Variants in MECOM observed in about 807,000 individuals in gnomAD.
MECOM encodes histone-lysine N-methyltransferase MECOM.
A neutral mutation model predicts 116.3 loss-of-function variants in MECOM; 13 were observed. The ratio of observed to expected loss-of-function variants is 0.11; its 90% CI spans 0.07 to 0.18. The LOEUF is 0.18. Among genes scored for constraint, MECOM ranks in the 10% least tolerant of loss-of-function variants. The pLI is 1.00. For synonymous variants in MECOM, 528 were observed against 535.2 expected, an observed-to-expected ratio of 0.99 and a Z score of 0.19; for missense variants, 1,299 against 1,509.0, an observed-to-expected ratio of 0.86 and a Z score of 2.31.
At chr3:169,519,521 C>T (rs1757101018) in intron 1 of MECOM, among the ~76,000 whole-genome samples, 1 of 152,202 alleles carries the variant, frequency 6.6e-6, no homozygotes, top group African/African-American at 2.4e-5. Flanking sequence ...AGTAGTTCCA[C>T]AAACAGTGTG....
At chr3:169,156,151 T>G (rs2149336904) in intron 2 of MECOM, among the ~76,000 whole-genome samples, 1 of 152,246 alleles carries the variant, frequency 6.6e-6, no homozygotes, top group Admixed American at 6.5e-5. Flanking sequence ...GAGAGCTAAC[T>G]TCACCCAATG....
chr3:169,403,955 G>C (rs186755870), intron 1 of MECOM, among the ~76,000 whole-genome samples: 67 of 152,158 alleles, frequency 4.4e-4, no homozygotes, highest in Middle Eastern at 3.4e-3. Flanking sequence ...TCAGTCCCTG[G>C]TTTCCTGAGA....
chr3:169,387,744 G>T (rs1016664459), intron 1 of MECOM, among the ~76,000 whole-genome samples: 1 of 151,710 alleles, frequency 6.6e-6, no homozygotes, highest in Non-Finnish European at 1.5e-5. Flanking sequence ...GTGTGTAGGG[G>T]TGTGTGTGTG....
chr3:169,594,166 A>AAC (rs1385417356), intron 1 of MECOM, among the ~76,000 whole-genome samples: 3 of 136,818 alleles, frequency 2.2e-5, no homozygotes, highest in African/African-American at 9.1e-5. Context: ...AAAAAAAAAA[A>AAC]AAAAAAAAAA....
intron 1 of MECOM, chr3:169,447,956 T>C (rs1362693226): frequency 2.6e-5 from 4 of 152,276 alleles, no homozygotes; most frequent in African/African-American, 9.6e-5. Context: ...AGTGTATTAT[T>C]TAAACCCTTG....
At chr3:169,469,827 C>G (rs3851385) in intron 1 of MECOM, among the ~76,000 whole-genome samples, 1 of 152,154 alleles carries the variant, frequency 6.6e-6, no homozygotes, top group South Asian at 2.1e-4. Flanking sequence ...AGATTAATAA[C>G]TCACTTTCTC....
intron 1 of MECOM, among the ~76,000 whole-genome samples, chr3:169,407,191 A>G (rs1418938551): frequency 1.3e-5 from 2 of 152,164 alleles, no homozygotes; most frequent in African/African-American, 4.8e-5. Flanking sequence ...CACCATTTAC[A>G]GTACCCAAAC....
chr3:169,143,549 T>C, intron 3 of MECOM, 149 bp downstream of exon 3: 1 of 661,986 alleles, frequency 1.5e-6, no homozygotes, highest in Non-Finnish European at 2.2e-6. Context: ...GAATTTGTTC[T>C]GCATTTTACT....
intron 1 of MECOM, among the ~76,000 whole-genome samples, chr3:169,438,946 C>A (rs1402904051): frequency 6.6e-6 from 1 of 151,964 alleles, no homozygotes; most frequent in Non-Finnish European, 1.5e-5. Flanking sequence ...CAATCTCAAG[C>A]AAGACCTACA....
intron 2 of MECOM, among the ~76,000 whole-genome samples, chr3:169,275,567 G>T (rs570881298): frequency 6.6e-6 from 1 of 152,104 alleles, no homozygotes; most frequent in African/African-American, 2.4e-5. Flanking sequence ...CTAATGATAC[G>T]CAAATGGCAA....
intron 1 of MECOM, among the ~76,000 whole-genome samples, chr3:169,458,716 C>T (rs1298400348): frequency 3.3e-5 from 5 of 152,172 alleles, no homozygotes; most frequent in African/African-American, 4.8e-5. Context: ...TTGATTACTG[C>T]TATAGCCATC....
chr3:169,171,827 A>G (rs957627266), intron 2 of MECOM, among the ~76,000 whole-genome samples: 1 of 152,110 alleles, frequency 6.6e-6, no homozygotes, highest in African/African-American at 2.4e-5. Context: ...AGGGCAGGGG[A>G]AAACTTTTGG....
intron 1 of MECOM, among the ~76,000 whole-genome samples, chr3:169,588,612 G>A (rs1281082944): frequency 2.0e-5 from 3 of 152,272 alleles, no homozygotes; most frequent in African/African-American, 7.2e-5. Context: ...GTGATGGAGA[G>A]ATTTTTTTTT....
chr3:169,132,490 T>G (rs1396043984), intron 3 of MECOM, among the ~76,000 whole-genome samples: 1 of 12,662 alleles, frequency 7.9e-5, no homozygotes, highest in African/African-American at 1.9e-4. Flanking sequence ...ATGTCATCAG[T>G]TTTTTTTCAT....
chr3:169,123,821 A>C (rs993496814), intron 5 of MECOM, among the ~76,000 whole-genome samples: 1 of 152,084 alleles, frequency 6.6e-6, no homozygotes, highest in Non-Finnish European at 1.5e-5. Context: ...GGGGCAAGTG[A>C]AGCATCAATA....
At chr3:169,230,114 T>G (rs1053433880) in intron 2 of MECOM, among the ~76,000 whole-genome samples, 7 of 152,132 alleles carry the variant, frequency 4.6e-5, no homozygotes, top group African/African-American at 1.7e-4. Context: ...ATTTCTCAGG[T>G]GTCTTGAGGC....
intron 1 of MECOM, among the ~76,000 whole-genome samples, chr3:169,518,051 AG>A (rs1756870461): frequency 6.6e-6 from 1 of 152,304 alleles, no homozygotes; most frequent in South Asian, 2.1e-4. Flanking sequence ...CAAGGTCAGG[AG>A]ATCGAGACCA....
At chr3:169,188,460 T>C (rs2149414552) in intron 2 of MECOM, among the ~76,000 whole-genome samples, 1 of 152,154 alleles carries the variant, frequency 6.6e-6, no homozygotes, top group East Asian at 1.9e-4. Flanking sequence ...AATTTGACCT[T>C]TTGTGTAGCT....
intron 2 of MECOM, among the ~76,000 whole-genome samples, chr3:169,296,373 G>A (rs901681659): frequency 2.6e-5 from 4 of 152,184 alleles, no homozygotes; most frequent in South Asian, 4.1e-4. Context: ...TATTCTTGGC[G>A]GCAGGCTGGT....
Sources: allele counts gnomAD v4.1 joint callset (sites outside exome capture counted in the v4.1 genomes callset), GRCh38; gene constraint gnomAD v4.1.1; transcripts MANE v1.5; gene names NCBI Gene and HGNC (gene_info 2026-07-23, HGNC 2026-07-21).